Variants in EPB41 observed in about 807,000 individuals in gnomAD.
The protein encoded by EPB41 is erythrocyte membrane protein band 4.1.
A neutral mutation model predicts 108.0 loss-of-function variants in EPB41; 65 were observed. That is an observed-to-expected ratio of 0.60 (90% CI 0.49 to 0.74). The LOEUF (loss-of-function observed/expected upper bound fraction) is 0.74, where lower values mean the gene tolerates loss of function less well. Ranked by LOEUF, EPB41 falls within the 30% of genes least tolerant of loss-of-function variation. The pLI, the probability that EPB41 is intolerant of heterozygous loss-of-function variation, is 0.00. For missense variants in EPB41, 875 were observed against 1,037.0 expected, an observed-to-expected ratio of 0.84 and a Z score of 2.15; for synonymous variants, 336 against 358.9, an observed-to-expected ratio of 0.94 and a Z score of 0.72.
intron 1 of EPB41, among the ~76,000 whole-genome samples, chr1:28,965,602 A>G (rs962260668): frequency 6.6e-6 from 1 of 152,066 alleles, no homozygotes; most frequent in Admixed American, 6.6e-5. Flanking sequence ...TTCAGAGCAC[A>G]TATAAATGAA....
At chr1:28,930,043 C>T (rs938438635) in intron 1 of EPB41, among the ~76,000 whole-genome samples, 1 of 151,482 alleles carries the variant, frequency 6.6e-6, no homozygotes, top group Non-Finnish European at 1.5e-5. Context: ...TTCCCCATTC[C>T]CCACCCTGCA....
At chr1:29,057,317 A>G (rs1221186760) in intron 12 of EPB41, among the ~76,000 whole-genome samples, 4 of 134,696 alleles carry the variant, frequency 3.0e-5, no homozygotes, top group East Asian at 2.3e-4. Context: ...TGGAGCTTGC[A>G]GTGAGCCGAG....
intron 11 of EPB41, among the ~76,000 whole-genome samples, chr1:29,052,291 C>A (rs12065679): frequency 0.12 from 18,690 of 152,180 alleles, 1,577 homozygotes; most frequent in African/African-American, 0.25. Flanking sequence ...CTCCCCTCCT[C>A]TGTTACAACA....
At chr1:29,076,576 C>G (rs1654160887) in intron 16 of EPB41, among the ~76,000 whole-genome samples, 1 of 152,234 alleles carries the variant, frequency 6.6e-6, no homozygotes, top group Non-Finnish European at 1.5e-5. Flanking sequence ...GAGTTGTCCC[C>G]AAGTGATTCA....
chr1:28,899,717 T>G (rs2091078614), intron 1 of EPB41, among the ~76,000 whole-genome samples: 1 of 152,064 alleles, frequency 6.6e-6, no homozygotes, highest in Non-Finnish European at 1.5e-5. Context: ...CCAGCCCTCC[T>G]AGCTCTCCAC....
rs2089912656 is a variant in EPB41 at position 28,889,838 on chromosome 1, A to G, written c.-8+2628A>G. ...CTTTCTTGAGCACGTACTGTGCACC[A>G]TATACAGGTCTGCCAGCCACAGACC... On this transcript the variant is annotated intron_variant, in intron 1 of 16. Coordinates refer to the EPB41 transcript ENST00000347529. 5 of 985,214 alleles carry G rather than the reference A, an allele frequency of 5.1e-6. No homozygotes were observed. The South Asian group carries it at 2.3e-4, about 46-fold the overall frequency. 61.0% of individuals were successfully genotyped at this position (985,214 alleles called of 1,614,324 possible). A position where few individuals can be genotyped will look rare whatever the true frequency, so the allele number is the denominator to read the frequency against.
intron 4 of EPB41, among the ~76,000 whole-genome samples, chr1:28,999,347 G>A (rs1053221685): frequency 2.0e-5 from 3 of 152,012 alleles, no homozygotes; most frequent in Non-Finnish European, 4.4e-5. Flanking sequence ...TCCAGCCTGG[G>A]CAACAGAGTG....
chr1:28,965,090 ATAT>A (rs1463129694), intron 1 of EPB41, among the ~76,000 whole-genome samples: 1 of 152,184 alleles, frequency 6.6e-6, no homozygotes, highest in Non-Finnish European at 1.5e-5. Context: ...GGTGCCTAAA[ATAT>A]TATATGTTCA....
intron 2 of EPB41, among the ~76,000 whole-genome samples, chr1:28,993,005 G>A (rs1448919354): frequency 6.6e-6 from 1 of 152,150 alleles, no homozygotes; most frequent in Admixed American, 6.5e-5. Context: ...AGACAATAAC[G>A]TTTTTGTTAA....
At chr1:29,073,533 A>G (rs1003540307) in intron 16 of EPB41, among the ~76,000 whole-genome samples, 3 of 152,240 alleles carry the variant, frequency 2.0e-5, no homozygotes, top group African/African-American at 7.2e-5. Context: ...TTTGAAAGTA[A>G]GTCGTTAAAT....
At chr1:28,907,346 C>A (rs1231839748) in intron 1 of EPB41, among the ~76,000 whole-genome samples, 1 of 151,636 alleles carries the variant, frequency 6.6e-6, no homozygotes, top group African/African-American at 2.4e-5. Flanking sequence ...GGATTACAGG[C>A]ATGAGCCACT....
At chr1:29,019,335 G>C (rs2096614506) in intron 7 of EPB41, among the ~76,000 whole-genome samples, 1 of 152,140 alleles carries the variant, frequency 6.6e-6, no homozygotes, top group Non-Finnish European at 1.5e-5. Flanking sequence ...GGAGGTCAAG[G>C]CTGCCATGAG....
At chr1:28,940,327 C>G (rs1486312165) in intron 1 of EPB41, among the ~76,000 whole-genome samples, 1 of 152,116 alleles carries the variant, frequency 6.6e-6, no homozygotes, top group Admixed American at 6.5e-5. Flanking sequence ...GTTGAAGTAA[C>G]CAGTTTTGAT....
intron 1 of EPB41, among the ~76,000 whole-genome samples, chr1:28,965,905 G>T (rs375057482): frequency 6.6e-6 from 1 of 152,082 alleles, no homozygotes; most frequent in African/African-American, 2.4e-5. Flanking sequence ...TTTGTAAGCC[G>T]GGCGTGGTGG....
intron 1 of EPB41, among the ~76,000 whole-genome samples, chr1:28,932,847 G>A (rs554724636): frequency 6.6e-6 from 1 of 152,192 alleles, no homozygotes; most frequent in South Asian, 2.1e-4. Flanking sequence ...GTAGCTTTCT[G>A]GAGGTCAAGG....
At chr1:29,105,714 A>G (rs1558322181) in intron 17 of EPB41, among the ~76,000 whole-genome samples, 1 of 151,558 alleles carries the variant, frequency 6.6e-6, no homozygotes, top group Non-Finnish European at 1.5e-5. Flanking sequence ...AAATATTAAT[A>G]AAGCTGCTAT....
At chr1:28,972,949 A>G (rs1465377830) in intron 1 of EPB41, among the ~76,000 whole-genome samples, 1 of 152,172 alleles carries the variant, frequency 6.6e-6, no homozygotes, top group Non-Finnish European at 1.5e-5. Flanking sequence ...GGATAGAGGA[A>G]GAATTCTGAA....
chr1:28,928,068 T>G (rs1413454921), intron 1 of EPB41, among the ~76,000 whole-genome samples: 2 of 152,030 alleles, frequency 1.3e-5, no homozygotes, highest in African/African-American at 4.8e-5. Context: ...CTGTAACATC[T>G]GGTATGTTAC....
chr1:28,887,394 T>C lies in EPB41; in HGVS notation c.-8+184T>C, dbSNP rs1241190324. 2.0e-6 allele frequency: 2 copies of C among 985,214 alleles called. No homozygotes were observed. The highest frequency in any genetic ancestry group is 2.4e-6 in the Non-Finnish European group (2 of 829,878). The allele number at this position is 985,214 out of a possible 1,614,324, so 61.0% of individuals were successfully genotyped here. ...TCCGAACTTGGGGTCCAAAGGAGTC[T>C]GGGCATCTTAAAGTTCAGGGTGCAG... On this transcript the variant is annotated intron_variant, in intron 1 of 16. Transcript: ENST00000347529. This position sits in a 1 kb window ranked among gnomAD's most constrained non-coding sequence, Gnocchi z 4.9.
Sources: allele counts gnomAD v4.1 joint callset (sites outside exome capture counted in the v4.1 genomes callset), GRCh38; gene constraint gnomAD v4.1.1; non-coding constraint Gnocchi (gnomAD v3.1); transcripts MANE v1.5; gene names NCBI Gene and HGNC (gene_info 2026-07-23, HGNC 2026-07-21).